The following EDDM13 variants were observed in gnomAD, a reference collection of about 807,000 sequenced individuals.
EDDM13 encodes the protein epididymal protein 13.
A neutral mutation model predicts 17.8 loss-of-function variants in EDDM13; 24 were observed. The ratio of observed to expected loss-of-function variants is 1.35; its 90% CI spans 0.98 to 1.90. EDDM13 has a LOEUF of 1.90. EDDM13 is among the 40% of genes most tolerant of loss of function. The probability of loss-of-function intolerance (pLI) is 0.00; values close to 1 mark genes in which losing one functional copy is unlikely to be tolerated. For missense variants in EDDM13, 97 were observed against 100.8 expected (o/e 0.96, Z 0.16); for synonymous variants, 31 against 37.5 (o/e 0.83, Z 0.63).
chr19:56,305,142 A>C (rs1184400532), intron 14 of EDDM13, among the ~76,000 whole-genome samples: 1 of 152,196 alleles, frequency 6.6e-6, no homozygotes, highest in African/African-American at 2.4e-5. Flanking sequence ...AAAATTAACC[A>C]TTAGTGACAT....
Position 56,301,950 on chromosome 19 carries a change from C to T in EDDM13, c.296-18C>T. ...AGGGAAGGCCATCAGCATCAATCAT[C>T]TCCACGGTTCTCTCCAGTTAAACCC... On this transcript the variant is annotated intron_variant, in intron 12 of 14. Transcript: ENST00000649256. 8.1e-7 allele frequency: 1 copy of T among 1,232,034 alleles called. No homozygotes were observed. Among genetic ancestry groups the T allele is most frequent in the Non-Finnish European group, 1.0e-6 (1 of 988,126 alleles). The allele number at this position is 1,232,034 out of a possible 1,614,324, so 76.3% of individuals were successfully genotyped here. A position where few individuals can be genotyped will look rare whatever the true frequency, so the allele number is the denominator to read the frequency against.
chr19:56,303,487 A>G (rs78385616), intron 13 of EDDM13, among the ~76,000 whole-genome samples: 7 of 150,722 alleles, frequency 4.6e-5, no homozygotes, highest in African/African-American at 1.7e-4. Context: ...AAGTAAATAG[A>G]AAAAAAAAGA....
chr19:56,302,668 C>T (rs1192415373), intron 13 of EDDM13, among the ~76,000 whole-genome samples: 17 of 119,658 alleles, frequency 1.4e-4, no homozygotes, highest in Non-Finnish European at 2.5e-4. Context: ...CCTGTTCTTT[C>T]CTTCCTCCTT....
chr19:56,289,467 G>A (rs1018126785), intron 8 of EDDM13, among the ~76,000 whole-genome samples: 1 of 152,106 alleles, frequency 6.6e-6, no homozygotes, highest in African/African-American at 2.4e-5. Context: ...ACTCTAGTTC[G>A]GGTAAGACGG....
intron 11 of EDDM13, among the ~76,000 whole-genome samples, chr19:56,296,773 C>A (rs538839733): frequency 6.6e-6 from 1 of 152,212 alleles, no homozygotes; most frequent in South Asian, 2.1e-4. Flanking sequence ...GTGGCTCATG[C>A]CTGTAATCCC....
At position 56,272,888 on chromosome 19, in the gene EDDM13, G is replaced by A. The variant is rs1242818226; in HGVS notation, c.54G>A (p.Leu18=). The A allele has an allele frequency of 1.0e-6, 1 of 985,260 alleles. No individual in the cohort carries two copies. The highest frequency in any genetic ancestry group is 6.1e-5 in the Admixed American group (1 of 16,264). 61.0% of individuals were successfully genotyped at this position (985,260 alleles called of 1,614,324 possible). The change falls in exon 1 of 15, where the codon CTG becomes CTA. Residue 18 remains leucine (L), a synonymous_variant. Transcript: ENST00000649256. ...TGTCGCTGCTGATTCTGCTTTTCCT[G>A]GGATTGGCAGAAGCCTGTACTCCTC... The part of the protein sequence containing the change: ...LKMSLLILLF[L]GLAEACTPRE...
At chr19:56,296,069 T>A (rs1190493575) in intron 10 of EDDM13, 102 bp downstream of exon 10, 1 of 152,338 alleles carries the variant, frequency 6.6e-6, no homozygotes, top group Non-Finnish European at 1.5e-5. Flanking sequence ...GAAAGATGGA[T>A]CTGACAAGCT....
intron 2 of EDDM13, among the ~76,000 whole-genome samples, chr19:56,277,528 G>C (rs977896420): frequency 1.2e-4 from 18 of 151,964 alleles, no homozygotes; most frequent in African/African-American, 4.4e-4. Flanking sequence ...TGATTTCCAG[G>C]GGGTGAGGGG....
chr19:56,286,969 A>G (rs2039172328), intron 6 of EDDM13, among the ~76,000 whole-genome samples: 1 of 152,270 alleles, frequency 6.6e-6, no homozygotes. Flanking sequence ...CAGGATTCAC[A>G]GCACGCACTG....
chr19:56,275,422 C>A (rs114524515), intron 1 of EDDM13, among the ~76,000 whole-genome samples: 1 of 152,046 alleles, frequency 6.6e-6, no homozygotes, highest in Non-Finnish European at 1.5e-5. Context: ...TTTATATCAG[C>A]GTGAACTCAG....
intron 12 of EDDM13, 60 bp from the exon 13 acceptor site, chr19:56,301,908 G>C (rs1039098433): frequency 8.1e-7 from 1 of 1,231,774 alleles, no homozygotes; most frequent in Non-Finnish European, 1.0e-6. Context: ...GCAGTGACAG[G>C]AAGCTCTAAG....
chr19:56,302,649 C>A (rs1265538775), intron 13 of EDDM13, among the ~76,000 whole-genome samples: 68 of 119,606 alleles, frequency 5.7e-4, no homozygotes, highest in Non-Finnish European at 2.9e-4. Context: ...TCCTTTTCTT[C>A]CCCCCCTCCC....
At position 56,310,324 on chromosome 19, in the gene EDDM13, A is replaced by G. The variant is rs900838208; in HGVS notation, c.*176A>G. On this transcript the variant is annotated 3_prime_UTR_variant, in exon 15 of 15. Coordinates refer to ENST00000649256, the MANE Select transcript of EDDM13 (RefSeq NM_001354658.2). The stretch of plus-strand genomic sequence containing the variant: ...TGGCCAGAAGGTGTCTGTGGGGGCC[A>G]TGCCTTAGGGGGATGCACCCAGGGC... The G allele has an allele frequency of 2.0e-5, 3 of 152,278 alleles. No individual in the cohort carries two copies. Among genetic ancestry groups the G allele is most frequent in the Non-Finnish European group, 2.9e-5 (2 of 68,086 alleles). The allele number at this position is 152,278 out of a possible 1,614,324, so 9.4% of individuals were successfully genotyped here. A position where few individuals can be genotyped will look rare whatever the true frequency, so the allele number is the denominator to read the frequency against.
At chr19:56,285,495 T>A (rs1024901546) in intron 6 of EDDM13, among the ~76,000 whole-genome samples, 1 of 152,260 alleles carries the variant, frequency 6.6e-6, no homozygotes, top group Non-Finnish European at 1.5e-5. Flanking sequence ...GCTTCGTGTG[T>A]ACTCCCATAA....
At position 56,287,304 on chromosome 19, in the gene EDDM13, C is replaced by G. The variant is rs978500717; in HGVS notation, c.155-1081C>G. 4.6e-5 allele frequency among the ~76,000 whole-genome samples: 7 copies of G among 152,380 alleles called. 1 individual carries two copies. In the South Asian group the frequency reaches 1.2e-3, roughly 27 times the overall value. On this transcript the variant is annotated intron_variant, in intron 6 of 14. Transcript: ENST00000649256. ...GGAAACATTTTACGGAAACCTATGA[C>G]TGAGTTTTGATGGAGAATGTCAGGA...
At chr19:56,297,664 G>A (rs1307494291) in intron 12 of EDDM13, 133 bp downstream of exon 12, 6 of 381,650 alleles carry the variant, frequency 1.6e-5, no homozygotes, top group Non-Finnish European at 2.2e-5. Context: ...CTGAGAGGCT[G>A]CCTTCCTGAA....
intron 6 of EDDM13, among the ~76,000 whole-genome samples, chr19:56,285,959 C>T (rs548590128): frequency 3.7e-4 from 56 of 152,200 alleles, no homozygotes; most frequent in Non-Finnish European, 7.3e-4. Context: ...TTTGCATCTT[C>T]ATATACAGCC....
intron 6 of EDDM13, among the ~76,000 whole-genome samples, chr19:56,287,495 C>G (rs914020869): frequency 1.3e-5 from 2 of 152,194 alleles, no homozygotes; most frequent in African/African-American, 2.4e-5. Flanking sequence ...TCCCATCCCC[C>G]CAAGTCCACC....
chr19:56,303,052 G>A, intron 13 of EDDM13: 7 of 395,262 alleles, frequency 1.8e-5, no homozygotes, highest in Non-Finnish European at 3.1e-5. Context: ...AAGCCTTTCT[G>A]CAGGAGGTGA....
Sources: gnomAD v4.1 joint callset for allele counts (sites outside exome capture counted in the v4.1 genomes callset) on GRCh38, gnomAD v4.1.1 for gene constraint, MANE v1.5 for transcripts, NCBI Gene and HGNC (gene_info 2026-07-23, HGNC 2026-07-21) for gene names.